Variants in PCDH15 observed in about 807,000 individuals in gnomAD.
PCDH15 encodes the protein protocadherin related 15.
In PCDH15, 129 loss-of-function variants were observed where a neutral mutation model predicts 178.5. The observed-to-expected ratio is 0.72, with a 90% CI of 0.63 to 0.84. PCDH15 has a LOEUF of 0.84. Among genes scored for constraint, PCDH15 ranks in the 40% least tolerant of loss-of-function variants. The pLI, the probability that PCDH15 is intolerant of heterozygous loss-of-function variation, is 0.00. For missense variants in PCDH15, 2,230 were observed against 2,099.9 expected (o/e 1.06, Z -1.21); for synonymous variants, 800 against 732.0 (o/e 1.09, Z -1.50).
chr10:53,975,414 T>G (rs905178228), intron 21 of PCDH15, among the ~76,000 whole-genome samples: 1 of 151,764 alleles, frequency 6.6e-6, no homozygotes, highest in African/African-American at 2.4e-5. Flanking sequence ...TGAATAAGTG[T>G]TTTTTTTCCC....
At chr10:55,174,912 C>A (rs574699406) in intron 1 of PCDH15, among the ~76,000 whole-genome samples, 9 of 151,982 alleles carry the variant, frequency 5.9e-5, no homozygotes, top group African/African-American at 1.9e-4. Context: ...TTCAGACTAC[C>A]CTGGCAGGTA....
At chr10:54,983,495 A>G (rs1839291587) in intron 2 of PCDH15, among the ~76,000 whole-genome samples, 1 of 152,140 alleles carries the variant, frequency 6.6e-6, no homozygotes, top group African/African-American at 2.4e-5. Context: ...GAGCTTAGCA[A>G]GTTATTTGTC....
At chr10:54,756,639 G>A (rs1251920351) in intron 1 of PCDH15, among the ~76,000 whole-genome samples, 2 of 152,026 alleles carry the variant, frequency 1.3e-5, no homozygotes, top group African/African-American at 2.4e-5. Flanking sequence ...GACAAACTAG[G>A]ATATGCTAAA....
chr10:54,529,027 G>A (rs2083640386), intron 2 of PCDH15, among the ~76,000 whole-genome samples: 1 of 151,902 alleles, frequency 6.6e-6, no homozygotes, highest in African/African-American at 2.4e-5. Flanking sequence ...AATTAATTTT[G>A]CTTGAAGTTT....
At chr10:55,413,817 G>A (rs1838407579) in intron 2 of PCDH15, among the ~76,000 whole-genome samples, 1 of 151,134 alleles carries the variant, frequency 6.6e-6, no homozygotes, top group South Asian at 2.1e-4. Flanking sequence ...TTTTTTTTAG[G>A]TTAGAGAAAA....
intron 21 of PCDH15, among the ~76,000 whole-genome samples, chr10:53,977,760 G>T (rs2090303962): frequency 6.6e-6 from 1 of 152,084 alleles, no homozygotes; most frequent in Non-Finnish European, 1.5e-5. Flanking sequence ...CAAAAGCATT[G>T]TTACTTCCTA....
chr10:54,192,107 GAA>G (rs35501378), intron 11 of PCDH15, among the ~76,000 whole-genome samples: 37 of 90,460 alleles, frequency 4.1e-4, no homozygotes, highest in African/African-American at 8.9e-4. Context: ...AAGGAAGAAA[GAA>G]AAAAAAAAAA....
At chr10:55,317,649 T>C (rs191012898) in intron 1 of PCDH15, among the ~76,000 whole-genome samples, 177 of 151,696 alleles carry the variant, frequency 1.2e-3, no homozygotes, top group African/African-American at 3.8e-3. Flanking sequence ...TCTCATACTA[T>C]AGTCACCCAG....
intron 2 of PCDH15, among the ~76,000 whole-genome samples, chr10:55,417,233 A>G (rs185842636): frequency 4.2e-4 from 64 of 151,906 alleles, no homozygotes; most frequent in African/African-American, 1.5e-3. Flanking sequence ...AGCAGCAGAG[A>G]TTGAGATCTT....
At chr10:54,780,177 G>T (rs1181746717) in intron 1 of PCDH15, among the ~76,000 whole-genome samples, 1 of 152,054 alleles carries the variant, frequency 6.6e-6, no homozygotes, top group African/African-American at 2.4e-5. Context: ...AAGTTCTAGG[G>T]AATACTTCAT....
intron 13 of PCDH15, among the ~76,000 whole-genome samples, chr10:54,167,323 C>T (rs563566110): frequency 1.2e-4 from 18 of 152,286 alleles, no homozygotes; most frequent in African/African-American, 4.1e-4. Flanking sequence ...CACTGTCCCT[C>T]AACCACTTTC....
At chr10:54,326,591 C>T (rs375051308) in intron 7 of PCDH15, among the ~76,000 whole-genome samples, 8 of 151,870 alleles carry the variant, frequency 5.3e-5, no homozygotes, top group African/African-American at 1.7e-4. Context: ...TATTAATATA[C>T]CCATTTTACT....
At chr10:55,113,611 C>T (rs1837561965) in intron 2 of PCDH15, among the ~76,000 whole-genome samples, 1 of 152,148 alleles carries the variant, frequency 6.6e-6, no homozygotes, top group Non-Finnish European at 1.5e-5. Flanking sequence ...CCTCCACTTC[C>T]ACTGGAGACT....
chr10:55,225,648 T>TGAGA (rs764747745), intron 1 of PCDH15, among the ~76,000 whole-genome samples: 33 of 131,002 alleles, frequency 2.5e-4, no homozygotes, highest in South Asian at 7.5e-4. Flanking sequence ...TGTGTGTGTG[T>TGAGA]GTGAGAGAGA....
chr10:54,525,128 G>T (rs1432632276), intron 3 of PCDH15, among the ~76,000 whole-genome samples: 2 of 152,182 alleles, frequency 1.3e-5, no homozygotes, highest in African/African-American at 4.8e-5. Flanking sequence ...GTAGCTCAAT[G>T]ACTTACATAA....
chr10:55,334,236 ATATATATGTG>A (rs1329673287), intron 2 of PCDH15, among the ~76,000 whole-genome samples: 13 of 105,358 alleles, frequency 1.2e-4, no homozygotes, highest in South Asian at 6.4e-4. Context: ...ATATATATAT[ATATATATGTG>A]TGTGTGTGTG....
intron 3 of PCDH15, among the ~76,000 whole-genome samples, chr10:54,417,082 G>A (rs1373719590): frequency 1.3e-5 from 2 of 152,042 alleles, no homozygotes; most frequent in African/African-American, 2.4e-5. Flanking sequence ...TAGAGATGGG[G>A]TTTCACCATG....
chr10:54,469,588 C>T (rs973599789), intron 3 of PCDH15, among the ~76,000 whole-genome samples: 6 of 152,240 alleles, frequency 3.9e-5, no homozygotes, highest in Middle Eastern at 3.4e-3. Flanking sequence ...CCCCCATTGG[C>T]GGCAGTGCAG....
intron 2 of PCDH15, among the ~76,000 whole-genome samples, chr10:54,999,548 T>C (rs1355590677): frequency 6.6e-6 from 1 of 152,082 alleles, no homozygotes; most frequent in Non-Finnish European, 1.5e-5. Context: ...TGCGATGGTG[T>C]GTGTGGAGTG....
Sources: gnomAD v4.1 joint callset for allele counts (sites outside exome capture counted in the v4.1 genomes callset) on GRCh38, gnomAD v4.1.1 for gene constraint, MANE v1.5 for transcripts, NCBI Gene and HGNC (gene_info 2026-07-23, HGNC 2026-07-21) for gene names.